DGCR2: variants seen among roughly 807,000 people sequenced by gnomAD.
The protein encoded by DGCR2 is DiGeorge syndrome critical region gene 2, also known as integral membrane protein DGCR2/IDD.
In DGCR2, 24 loss-of-function variants were observed where a neutral mutation model predicts 51.6. The ratio of observed to expected loss-of-function variants is 0.47; its 90% CI spans 0.34 to 0.65. DGCR2 has a LOEUF of 0.65. DGCR2 is among the 30% of genes least tolerant of loss of function. DGCR2 has a pLI of 0.01. For synonymous variants in DGCR2, 340 were observed against 315.4 expected (o/e 1.08, Z -0.82); for missense variants, 765 against 772.1 (o/e 0.99, Z 0.11).
chr22:19,065,028 T>G lies in DGCR2; in HGVS notation c.368A>C (p.Glu123Ala). 1 of 1,614,026 alleles carries G rather than the reference T, an allele frequency of 6.2e-7. No homozygotes were observed. Among genetic ancestry groups the G allele is most frequent in the Middle Eastern group, 1.6e-4 (1 of 6,062 alleles). ...GACCCGGTAGCAGCTGGCCGTGCCT[T>G]CGTAGTGGTGCCACCCTGTCGGGCA... ...GKCPTGWHHY[E>A]GTASCYRVYL... The change falls in exon 4 of 10, where the codon GAA becomes GCA. Residue 123 changes from glutamate to alanine, a missense_variant. Physicochemically the swap from Glu to Ala is moderately radical, Grantham distance 107. Around this residue, in one of 3 missense-constraint regions of DGCR2, gnomAD observed 370 missense variants for 325.5 expected, o/e 1.14. Coordinates refer to ENST00000263196, the MANE Select transcript of DGCR2 (RefSeq NM_005137.3).
intron 1 of DGCR2, among the ~76,000 whole-genome samples, chr22:19,097,668 A>T (rs1164228001): frequency 1.3e-5 from 2 of 152,166 alleles, no homozygotes; most frequent in African/African-American, 4.8e-5. Flanking sequence ...CTTGAAGAAT[A>T]CTTCTTCTCT....
In DGCR2 at chr22:19,076,724, A is replaced by ATTTTTTTT. The variant is rs1165827499; in HGVS notation, c.203-8507_203-8500dup. Among the ~76,000 whole-genome samples, 49 of 79,950 alleles carry ATTTTTTTT rather than the reference A, an allele frequency of 6.1e-4. 1 individual carries two copies. Among genetic ancestry groups the ATTTTTTTT allele is most frequent in the Non-Finnish European group, 7.3e-4 (33 of 44,988 alleles). 52.5% of individuals were successfully genotyped at this position (79,950 alleles called of 152,430 possible). A position where few individuals can be genotyped will look rare whatever the true frequency, so the allele number is the denominator to read the frequency against. On this transcript the variant is annotated intron_variant, in intron 2 of 9. Coordinates refer to ENST00000263196, the MANE Select transcript of DGCR2 (RefSeq NM_005137.3). ...AAATGTCTACTCAAGTCCTTTGCAC[A>ATTTTTTTT]TTTTTTTTTTTTTTTTTTTTTTTTG...
At chr22:19,046,380 C>G (rs185284206) in intron 7 of DGCR2, 441 of 152,300 alleles carry the variant, frequency 2.9e-3, no homozygotes, top group Admixed American at 5.3e-3. Context: ...ATCTGGAGAC[C>G]TTGCTTAAAC....
chr22:19,108,568 C>CT (rs1569087701), intron 1 of DGCR2, among the ~76,000 whole-genome samples: 4 of 56,666 alleles, frequency 7.1e-5, no homozygotes, highest in Non-Finnish European at 1.3e-4. Context: ...GAGAATTTAT[C>CT]TAAAAAAAAA....
At chr22:19,067,116 A>T (rs530077814) in intron 3 of DGCR2, among the ~76,000 whole-genome samples, 1 of 152,318 alleles carries the variant, frequency 6.6e-6, no homozygotes, top group East Asian at 1.9e-4. Context: ...TGCCAGAAGC[A>T]GACCTGGTCA....
At chr22:19,102,985 T>C (rs1055165294) in intron 1 of DGCR2, among the ~76,000 whole-genome samples, 2 of 152,178 alleles carry the variant, frequency 1.3e-5, no homozygotes, top group Non-Finnish European at 2.9e-5. Context: ...CACTCTAGCC[T>C]TGACAACAGA....
chr22:19,057,102 T>C lies in DGCR2; in HGVS notation c.686A>G (p.Asp229Gly). 6.2e-7 allele frequency: 1 copy of C among 1,607,566 alleles called. No homozygotes were observed. Among genetic ancestry groups the C allele is most frequent in the Non-Finnish European group, 8.5e-7 (1 of 1,177,174 alleles). ...PIFASAMSENDNVFCAQLQCF... is the reference protein window; with the variant it reads ...PIFASAMSENGNVFCAQLQCF... ...CTGAAGCTGGGCACAGAACACGTTGTCGTTCTCAGACATGGCCGAGGCAAA... is the reference window on the plus strand; with the variant it reads ...CTGAAGCTGGGCACAGAACACGTTGCCGTTCTCAGACATGGCCGAGGCAAA... The change falls in exon 6 of 10, where the codon GAC becomes GGC. Residue 229 changes from aspartate to glycine, a missense_variant. Transcript: ENST00000263196. The surrounding 1 kb of genome is among the most constrained non-coding windows in gnomAD (Gnocchi z 5.1).
At chr22:19,090,741 G>A (rs191527983) in intron 1 of DGCR2, among the ~76,000 whole-genome samples, 6 of 151,308 alleles carry the variant, frequency 4.0e-5, no homozygotes, top group South Asian at 2.1e-4. Flanking sequence ...TGATGAACCC[G>A]ACTAAAATAA....
chr22:19,102,135 G>GGT (rs2083209018), intron 1 of DGCR2, among the ~76,000 whole-genome samples: 1 of 152,178 alleles, frequency 6.6e-6, no homozygotes, highest in Non-Finnish European at 1.5e-5. Flanking sequence ...GAATGAACCT[G>GGT]GACAACATTA....
rs774122959 is a variant in DGCR2 at position 19,039,119 on chromosome 22, C to A, written c.1399G>T (p.Asp467Tyr). The change falls in exon 10 of 10, where the codon GAT becomes TAT. Residue 467 changes from aspartate (D) to tyrosine (Y), a missense_variant and splice_region_variant. Transcript: ENST00000263196. ...PDSVFYDPAD[D>Y]DAFEPVEVSL... ...ACCTCCACAGGCTCAAAAGCATCAT[C>A]GTCTGCAGGAAGAGACAGAGGGGTG... 1 of 1,612,930 alleles carries A rather than the reference C, an allele frequency of 6.2e-7. No individual in the cohort carries two copies. The highest frequency in any genetic ancestry group is 2.2e-5 in the East Asian group (1 of 44,876).
chr22:19,085,276 A>G (rs550559939), intron 2 of DGCR2, among the ~76,000 whole-genome samples: 107 of 152,324 alleles, frequency 7.0e-4, no homozygotes, highest in African/African-American at 2.4e-3. Context: ...TCCCACAGTC[A>G]TTGTCAAGAG....
chr22:19,068,556 C>A (rs945160382), intron 2 of DGCR2, among the ~76,000 whole-genome samples: 3 of 152,256 alleles, frequency 2.0e-5, no homozygotes, highest in Non-Finnish European at 2.9e-5. Context: ...GCAGTTCCAG[C>A]CCCATGGGGA....
intron 2 of DGCR2, among the ~76,000 whole-genome samples, chr22:19,079,012 C>A (rs2082908857): frequency 6.6e-6 from 1 of 152,018 alleles, no homozygotes. Context: ...TAATTATAGT[C>A]CTATTCAGAT....
At chr22:19,101,395 G>A (rs748816937) in intron 1 of DGCR2, among the ~76,000 whole-genome samples, 2 of 152,142 alleles carry the variant, frequency 1.3e-5, no homozygotes, top group Non-Finnish European at 2.9e-5. Flanking sequence ...AAAAACAGGA[G>A]GCATGTAGTA....
At position 19,064,956 on chromosome 22, in the gene DGCR2, C is replaced by T. The variant is rs760500814; in HGVS notation, c.440G>A (p.Arg147His). 3.9e-5 allele frequency: 63 copies of T among 1,613,886 alleles called. 1 individual carries two copies. Among genetic ancestry groups the T allele is most frequent in the Middle Eastern group, 3.3e-4 (2 of 6,084 alleles). ...GAAGGTGGCGAGAGAGCCATTCAGG[C>T]GCTGGCAGGTCTGCGCGGCATCCCA... ...NYWDAAQTCQ[R>H]LNGSLATFST... The change falls in exon 4 of 10, where the codon CGC becomes CAC. Residue 147 changes from arginine to histidine, a missense_variant. By Grantham distance (29) the Arg-to-His change is conservative. Transcript: ENST00000263196.
chr22:19,064,996 T>G lies in DGCR2; in HGVS notation c.400A>C (p.Ser134Arg). The G allele has an allele frequency of 6.2e-7, 1 of 1,614,032 alleles. No individual in the cohort carries two copies. Among genetic ancestry groups the G allele is most frequent in the Admixed American group, 1.7e-5 (1 of 60,022 alleles). ...GCGGCATCCCAGTAGTTCTCCCCGC[T>G]CAGGTAGACCCGGTAGCAGCTGGCC... ...GTASCYRVYL[S>R]GENYWDAAQT... Residue 134 changes from serine to arginine, a missense_variant, in exon 4 of 10, where the codon AGC becomes CGC. Ser to Arg is a moderately radical substitution (Grantham distance 110). Transcript: ENST00000263196.
At chr22:19,043,498 G>T (rs1387629917) in intron 7 of DGCR2, among the ~76,000 whole-genome samples, 2 of 152,172 alleles carry the variant, frequency 1.3e-5, no homozygotes, top group African/African-American at 4.8e-5. Flanking sequence ...GGGTAAACTG[G>T]CAACTCACAG....
chr22:19,078,120 C>T (rs2082899193), intron 2 of DGCR2, among the ~76,000 whole-genome samples: 1 of 152,204 alleles, frequency 6.6e-6, no homozygotes, highest in African/African-American at 2.4e-5. Flanking sequence ...TGAGCTACCA[C>T]ACCCAGTGTC....
intron 3 of DGCR2, among the ~76,000 whole-genome samples, chr22:19,066,086 G>A (rs1426068136): frequency 6.6e-6 from 1 of 152,208 alleles, no homozygotes; most frequent in Admixed American, 6.5e-5. Flanking sequence ...AGTGTGCAAG[G>A]AAGCTCTTTA....
Sources: gnomAD v4.1 joint callset for allele counts (sites outside exome capture counted in the v4.1 genomes callset) on GRCh38, gnomAD v4.1.1 for gene constraint, gnomAD v4.1.1 regional missense constraint, Gnocchi (gnomAD v3.1) non-coding constraint, MANE v1.5 for transcripts, NCBI Gene and HGNC (gene_info 2026-07-23, HGNC 2026-07-21) for gene names.